LMNA: variants seen among roughly 807,000 people sequenced by gnomAD.
LMNA encodes the protein lamin A/C.
A neutral mutation model predicts 70.4 loss-of-function variants in LMNA; 20 were observed. The observed-to-expected ratio is 0.28, with a 90% CI of 0.20 to 0.41. LMNA has a LOEUF of 0.41. Ranked by LOEUF, LMNA falls within the 10% of genes least tolerant of loss-of-function variation. The pLI is 1.00. For synonymous variants in LMNA, 339 were observed against 372.8 expected, an observed-to-expected ratio of 0.91 and a Z score of 1.04; for missense variants, 652 against 917.2, an observed-to-expected ratio of 0.71 and a Z score of 3.73.
chr1:156,123,985 A>C (rs1427233130), intron 1 of LMNA, among the ~76,000 whole-genome samples: 1 of 152,170 alleles, frequency 6.6e-6, no homozygotes, highest in African/African-American at 2.4e-5. Context: ...CTGGAATTAA[A>C]ACCTGGCTTT....
intron 1 of LMNA, among the ~76,000 whole-genome samples, chr1:156,121,046 C>CTTTTTTT (rs57371677): frequency 1.0e-4 from 10 of 100,412 alleles, no homozygotes; most frequent in African/African-American, 3.5e-4. Context: ...CAAATCCATT[C>CTTTTTTT]TTTTTTTTTT....
intron 2 of LMNA, among the ~76,000 whole-genome samples, chr1:156,133,295 G>A (rs1651239723): frequency 6.6e-6 from 1 of 152,056 alleles, no homozygotes; most frequent in African/African-American, 2.4e-5. Flanking sequence ...GCATACGGCT[G>A]GGTGTGGTGG....
At chr1:156,093,458 A>G (rs1051618284) in intron 3 of LMNA, among the ~76,000 whole-genome samples, 3 of 151,858 alleles carry the variant, frequency 2.0e-5, no homozygotes, top group Non-Finnish European at 4.4e-5. Context: ...GGCGTGCGCC[A>G]CCATGCTCAG....
intron 1 of LMNA, chr1:156,123,364 G>C (rs1025757052): frequency 7.2e-5 from 11 of 152,172 alleles, no homozygotes; most frequent in African/African-American, 2.4e-4. Context: ...TCTGAGGCTA[G>C]AGCTGGAATG....
upstream of LMNA, among the ~76,000 whole-genome samples, chr1:156,110,367 G>A (rs145471013): frequency 2.4e-4 from 37 of 152,278 alleles, no homozygotes; most frequent in East Asian, 7.1e-3. Context: ...AATTCTCTGT[G>A]TATAAGGCAG....
upstream of LMNA, among the ~76,000 whole-genome samples, chr1:156,113,422 G>C (rs1649613808): frequency 6.6e-6 from 1 of 152,174 alleles, no homozygotes; most frequent in African/African-American, 2.4e-5. Context: ...AGGGTCCTTG[G>C]TGAGGCCTGA....
chr1:156,128,879 G>C (rs1024561214), intron 1 of LMNA, among the ~76,000 whole-genome samples: 14 of 152,192 alleles, frequency 9.2e-5, no homozygotes, highest in Admixed American at 7.2e-4. Context: ...AGCCAGCCTG[G>C]GGGTCAGCCC....
rs1425857722 is a variant in LMNA at position 156,115,746 on chromosome 1, G to A, written c.356+472G>A. On this transcript the variant is annotated intron_variant, in intron 1 of 11. Transcript: ENST00000368300. This position sits in a 1 kb window ranked among gnomAD's most constrained non-coding sequence, Gnocchi z 5.8. ...TTGCCCAAGCTGGCTCTGAACACAT[G>A]ATGCCCACTAAGACATAACTCTCAA... Among the ~76,000 whole-genome samples, 2 of 152,222 alleles carry A rather than the reference G, an allele frequency of 1.3e-5. No individual in the cohort carries two copies. The highest frequency in any genetic ancestry group is 4.8e-5 in the African/African-American group (2 of 41,454).
At chr1:156,094,638 C>T (rs750436231) in intron 3 of LMNA, among the ~76,000 whole-genome samples, 5 of 152,054 alleles carry the variant, frequency 3.3e-5, no homozygotes, top group Admixed American at 6.6e-5. Flanking sequence ...CGTGAGCCAC[C>T]GCACCTGGCC....
At chr1:156,131,487 G>T (rs1479029174) in intron 2 of LMNA, among the ~76,000 whole-genome samples, 4 of 152,158 alleles carry the variant, frequency 2.6e-5, no homozygotes, top group Non-Finnish European at 5.9e-5. Flanking sequence ...CTACTTGGGA[G>T]GCTGAGGCAG....
In LMNA at chr1:156,138,225, G is replaced by T; in HGVS notation, c.1699-263G>T. 1.7e-6 allele frequency: 1 copy of T among 584,646 alleles called. No homozygotes were observed. The highest frequency in any genetic ancestry group is 2.8e-5 in the East Asian group (1 of 35,184). The allele number at this position is 584,646 out of a possible 1,614,324, so 36.2% of individuals were successfully genotyped here. ...CCGTTCTCTCTTCTTTTCCTCTTAA[G>T]CTCAGAGTAGCTAGAACAGAGTCAG... is the stretch of plus-strand genomic sequence containing the variant. On this transcript the variant is annotated intron_variant, in intron 10 of 11. Transcript: ENST00000368300. The surrounding 1 kb of genome is among the most constrained non-coding windows in gnomAD (Gnocchi z 5.5).
intron 3 of LMNA, among the ~76,000 whole-genome samples, chr1:156,101,320 G>A (rs1649131428): frequency 6.6e-6 from 1 of 152,098 alleles, no homozygotes; most frequent in African/African-American, 2.4e-5. Context: ...TGAGACCCCA[G>A]CTCTACAAAT....
In LMNA at chr1:156,108,262, A is replaced by G. The variant is rs1476950654; in HGVS notation, c.-206-6451A>G. Among the ~76,000 whole-genome samples the G allele has an allele frequency of 7.2e-5, 11 of 152,242 alleles. No homozygotes were observed. The East Asian group carries it at 2.1e-3, about 29-fold the overall frequency. The stretch of plus-strand genomic sequence containing the variant: ...TGCACATGAGTGACTCAGCACTTCA[A>G]TCATTGTTTAATACCCTGTAGTCAA... On this transcript the variant is annotated intron_variant, in intron 3 of 12. Coordinates refer to the LMNA transcript ENST00000368301.
At chr1:156,099,650 AGGT>A (rs1649067336) in intron 3 of LMNA, among the ~76,000 whole-genome samples, 1 of 152,036 alleles carries the variant, frequency 6.6e-6, no homozygotes, top group African/African-American at 2.4e-5. Flanking sequence ...TAGGAGGCCG[AGGT>A]GGTGGATCAT....
chr1:156,126,784 G>T (rs756101473), intron 1 of LMNA: 4 of 1,600,996 alleles, frequency 2.5e-6, no homozygotes, highest in African/African-American at 1.3e-5. Flanking sequence ...AGCCCTTCTC[G>T]CCTCAAGAGG....
rs199686967 is a variant in LMNA at position 156,137,082 on chromosome 1, G to A, written c.1489-31G>A. The A allele has an allele frequency of 2.8e-5, 45 of 1,613,964 alleles. No homozygotes were observed. Among genetic ancestry groups the A allele is most frequent in the Admixed American group, 1.0e-4 (6 of 60,002 alleles). On this transcript the variant is annotated intron_variant, in intron 8 of 11. Coordinates refer to ENST00000368300, the MANE Select transcript of LMNA (RefSeq NM_170707.4). This position sits in a 1 kb window ranked among gnomAD's most constrained non-coding sequence, Gnocchi z 4.6. ...GGAGGCCTTGGGTGGCGATGGGAGC[G>A]CTGGGGTAAGTGTCCTTTTCTCCTC... is the stretch of plus-strand genomic sequence containing the variant.
chr1:156,127,686 A>ATTT (rs34481489), intron 1 of LMNA, among the ~76,000 whole-genome samples: 3 of 125,798 alleles, frequency 2.4e-5, no homozygotes, highest in Non-Finnish European at 3.3e-5. Flanking sequence ...ACCCAGCTAA[A>ATTT]TTTTTTTTTT....
At position 156,137,806 on chromosome 1, in the gene LMNA, A is replaced by G; in HGVS notation, c.1698+63A>G. 6.5e-7 allele frequency: 1 copy of G among 1,546,648 alleles called. No homozygotes were observed. Among genetic ancestry groups the G allele is most frequent in the Non-Finnish European group, 8.7e-7 (1 of 1,146,398 alleles). Reference sequence around the variant, plus strand: ...GGGCCACCCAGCCAGGCCTGGGGGCAGCCTCTCCCCAGCCTCCCCGTGCCA... The same window carrying G: ...GGGCCACCCAGCCAGGCCTGGGGGCGGCCTCTCCCCAGCCTCCCCGTGCCA... On this transcript the variant is annotated intron_variant, in intron 10 of 11. Transcript: ENST00000368300. This position sits in a 1 kb window ranked among gnomAD's most constrained non-coding sequence, Gnocchi z 4.6.
chr1:156,101,877 G>A (rs894783278), intron 3 of LMNA, among the ~76,000 whole-genome samples: 2 of 152,246 alleles, frequency 1.3e-5, no homozygotes, highest in South Asian at 2.1e-4. Context: ...CAAGGGAGAT[G>A]AAGGAGGAGA....
Sources: gnomAD v4.1 joint callset for allele counts (sites outside exome capture counted in the v4.1 genomes callset) on GRCh38, gnomAD v4.1.1 for gene constraint, Gnocchi (gnomAD v3.1) non-coding constraint, MANE v1.5 for transcripts, NCBI Gene and HGNC (gene_info 2026-07-23, HGNC 2026-07-21) for gene names.